Variants in TUT4 observed in about 807,000 individuals in gnomAD.
TUT4 encodes the protein terminal uridylyl transferase 4, also known as terminal uridylyltransferase 4.
TUT4 carries 36 observed loss-of-function variants against 192.2 expected under a neutral mutation model. The observed-to-expected ratio is 0.19, with a 90% confidence interval of 0.14 to 0.25. The LOEUF (loss-of-function observed/expected upper bound fraction) is 0.25. Among genes scored for constraint, TUT4 ranks in the 10% least tolerant of loss-of-function variants. The pLI is 1.00. For missense variants in TUT4, 1,493 were observed against 1,957.2 expected (o/e 0.76, Z 4.47); for synonymous variants, 618 against 666.0 (o/e 0.93, Z 1.11).
At position 52,474,935 on chromosome 1, in the gene TUT4, T is replaced by C; in HGVS notation, c.2624A>G (p.Asn875Ser). 1.9e-6 allele frequency: 3 copies of C among 1,614,180 alleles called. No individual in the cohort carries two copies. The highest frequency in any genetic ancestry group is 2.5e-6 in the Non-Finnish European group (3 of 1,180,022). ...VCTDTSATSC[N>S]CKATEDASDL... ...AGAAGCATCTTCTGTAGCTTTGCAG[T>C]TGCAAGAGGTAGCAGATGTGTCGGT... The change falls in exon 13 of 30, where the codon AAC (asparagine) becomes AGC (serine). Residue 875 changes from asparagine (N) to serine (S), a missense_variant. By Grantham distance (46) the Asn-to-Ser change is conservative. Around this residue, in one of 7 missense-constraint regions of TUT4, gnomAD observed 245 missense variants for 218.4 expected, o/e 1.12. Transcript: ENST00000257177.
intron 1 of TUT4, among the ~76,000 whole-genome samples, chr1:52,545,163 G>A (rs1687742406): frequency 6.6e-6 from 1 of 151,908 alleles, no homozygotes; most frequent in Non-Finnish European, 1.5e-5. Context: ...AACATTTGAG[G>A]TCAGGAGTTC....
chr1:52,475,595 T>C, intron 12 of TUT4, 60 bp from the exon 13 acceptor site: 3 of 1,423,880 alleles, frequency 2.1e-6, no homozygotes, highest in Non-Finnish European at 2.8e-6. Context: ...ATTTCCAAGC[T>C]CATACAAGTA....
At chr1:52,449,671 C>T (rs993200833) in intron 20 of TUT4, among the ~76,000 whole-genome samples, 10 of 152,146 alleles carry the variant, frequency 6.6e-5, no homozygotes, top group South Asian at 4.1e-4. Flanking sequence ...TACAGTCCTG[C>T]GGCCTAAGTA....
chr1:52,545,770 T>C lies in TUT4; in HGVS notation c.-94+7161A>G, dbSNP rs114233843. On this transcript the variant is annotated intron_variant, in intron 1 of 29. Transcript: ENST00000257177. ...ATGGTACAGCCACTATGGAAAACAA[T>C]ATAGCAGTTCTTCAAAAAATTAAAA... 7.4e-3 allele frequency among the ~76,000 whole-genome samples: 1,123 copies of C among 151,910 alleles called. 17 individuals carry two copies. The highest frequency in any genetic ancestry group is 0.026 in the African/African-American group (1,082 of 41,414).
intron 27 of TUT4, chr1:52,433,299 G>C (rs996638505): frequency 2.6e-5 from 4 of 152,152 alleles, no homozygotes; most frequent in African/African-American, 9.7e-5. Flanking sequence ...TCAAACTCCC[G>C]ACCTCAGGTG....
Position 52,423,888 on chromosome 1 carries a change from C to A in TUT4, c.*47G>T. On this transcript the variant is annotated 3_prime_UTR_variant, in exon 30 of 30. Transcript: ENST00000257177. Reference sequence around the variant, plus strand: ...GATACCCTTGAGACAGCAGGATTGGCTGGTTGCTGTGCATCGGTAGACCAG... The same window carrying A: ...GATACCCTTGAGACAGCAGGATTGGATGGTTGCTGTGCATCGGTAGACCAG... 1 of 1,601,150 alleles carries A rather than the reference C, an allele frequency of 6.2e-7. No individual in the cohort carries two copies. Among genetic ancestry groups the A allele is most frequent in the South Asian group, 1.1e-5 (1 of 89,028 alleles).
At chr1:52,482,069 TA>T in intron 9 of TUT4, 146 bp from the exon 10 acceptor site, 1 of 540,486 alleles carries the variant, frequency 1.9e-6, no homozygotes, top group Non-Finnish European at 2.9e-6. Flanking sequence ...ATCATCACTC[TA>T]AAATAACCAT....
intron 28 of TUT4, among the ~76,000 whole-genome samples, chr1:52,429,949 T>A (rs1473878920): frequency 6.6e-6 from 1 of 152,144 alleles, no homozygotes; most frequent in Non-Finnish European, 1.5e-5. Context: ...TATGTGTGTG[T>A]GTGTGTGTCT....
intron 10 of TUT4, 24 bp downstream of exon 10, chr1:52,481,780 T>C (rs1421978357): frequency 1.3e-6 from 2 of 1,568,620 alleles, no homozygotes; most frequent in Middle Eastern, 1.8e-4. Flanking sequence ...TATATGCATA[T>C]ATATGTCACA....
intron 4 of TUT4, among the ~76,000 whole-genome samples, chr1:52,504,631 A>G (rs1377006932): frequency 6.6e-6 from 1 of 151,904 alleles, no homozygotes; most frequent in Non-Finnish European, 1.5e-5. Flanking sequence ...CTCTATCTTG[A>G]AAAAAAACAA....
intron 4 of TUT4, among the ~76,000 whole-genome samples, chr1:52,507,525 C>T (rs1008665322): frequency 6.6e-6 from 1 of 152,058 alleles, no homozygotes; most frequent in African/African-American, 2.4e-5. Context: ...ACTCTAACTT[C>T]ACCAAAAGTA....
intron 20 of TUT4, among the ~76,000 whole-genome samples, chr1:52,448,273 C>A (rs1034154995): frequency 6.6e-6 from 1 of 152,150 alleles, no homozygotes; most frequent in African/African-American, 2.4e-5. Flanking sequence ...AGCACATATT[C>A]CGACATTTCA....
chr1:52,482,244 G>A (rs1240592968), intron 9 of TUT4, among the ~76,000 whole-genome samples: 1 of 151,888 alleles, frequency 6.6e-6, no homozygotes, highest in Non-Finnish European at 1.5e-5. Flanking sequence ...AACCTTCTAT[G>A]TCTTCTTCTA....
chr1:52,532,008 C>T (rs1683586309), intron 1 of TUT4, among the ~76,000 whole-genome samples: 1 of 150,630 alleles, frequency 6.6e-6, no homozygotes, highest in African/African-American at 2.5e-5. Context: ...CTGCCTCAGC[C>T]TCCTGAGTAG....
intron 3 of TUT4, among the ~76,000 whole-genome samples, chr1:52,513,861 A>G (rs1021689503): frequency 3.9e-5 from 6 of 152,180 alleles, no homozygotes; most frequent in African/African-American, 1.4e-4. Flanking sequence ...AAAGGCACTC[A>G]ATATTTATTC....
rs781408398 is a variant in TUT4 at position 52,475,293 on chromosome 1, T to C, written c.2266A>G (p.Ile756Val). ...ACAGGTTGCTCTCTTTCTGCATTTA[T>C]TTTTTCTGTGGTTTCCCCAAGCAGA... Reference protein sequence around the residue: ...CILLGETTEKINAEREQPVQC... With the variant: ...CILLGETTEKVNAEREQPVQC... Residue 756 changes from isoleucine to valine, a missense_variant, in exon 13 of 30, where the codon ATA becomes GTA. Ile to Val is a conservative substitution (Grantham distance 29). Coordinates refer to ENST00000257177, the MANE Select transcript of TUT4 (RefSeq NM_001009881.3). 5.0e-6 allele frequency: 8 copies of C among 1,614,036 alleles called. No individual in the cohort carries two copies. The South Asian group carries it at 5.5e-5, about 11-fold the overall frequency.
chr1:52,474,028 G>A (rs746872528), intron 13 of TUT4, among the ~76,000 whole-genome samples: 4 of 151,998 alleles, frequency 2.6e-5, no homozygotes, highest in Admixed American at 1.3e-4. Context: ...GCAACATGGC[G>A]AAATCCCATC....
At chr1:52,444,773 T>C (rs925413847) in intron 24 of TUT4, among the ~76,000 whole-genome samples, 2 of 151,368 alleles carry the variant, frequency 1.3e-5, no homozygotes, top group African/African-American at 4.9e-5. Flanking sequence ...AGCCCTCAAA[T>C]GTCGGACTCC....
chr1:52,510,316 A>AC (rs1427375866), intron 3 of TUT4, among the ~76,000 whole-genome samples: 18 of 134,984 alleles, frequency 1.3e-4, no homozygotes, highest in Non-Finnish European at 2.2e-4. Flanking sequence ...CTTCGTATTA[A>AC]CAAAAAAAAA....
Sources: gnomAD v4.1 joint callset for allele counts (sites outside exome capture counted in the v4.1 genomes callset) on GRCh38, gnomAD v4.1.1 for gene constraint, gnomAD v4.1.1 regional missense constraint, MANE v1.5 for transcripts, NCBI Gene and HGNC (gene_info 2026-07-23, HGNC 2026-07-21) for gene names.